The following HRG variants were observed in gnomAD, a reference collection of about 807,000 sequenced individuals.
HRG encodes histidine rich glycoprotein.
Under a neutral mutation model 29.5 loss-of-function variants are expected in HRG, and 26 were observed. The observed-to-expected ratio is 0.88, with a 90% CI of 0.65 to 1.22. The LOEUF (loss-of-function observed/expected upper bound fraction) is 1.22. Ranked by LOEUF, HRG falls within the 50% of genes most tolerant of loss-of-function variation. The pLI, the probability that HRG is intolerant of heterozygous loss-of-function variation, is 0.00. For synonymous variants in HRG, 243 were observed against 240.4 expected, an observed-to-expected ratio of 1.01 and a Z score of -0.10; for missense variants, 671 against 654.5, an observed-to-expected ratio of 1.03 and a Z score of -0.28.
chr3:186,666,410 C>T (rs1016392305), intron 1 of HRG, among the ~76,000 whole-genome samples, 196 bp downstream of exon 1: 1 of 152,116 alleles, frequency 6.6e-6, no homozygotes. Flanking sequence ...AACTATGATT[C>T]GATTTGTGGG....
At chr3:186,673,041 T>C (rs1426711673) in intron 5 of HRG, 174 bp downstream of exon 5, 1 of 681,058 alleles carries the variant, frequency 1.5e-6, no homozygotes, top group African/African-American at 1.8e-5. Context: ...CAAAGTATCA[T>C]CTGGGAAGCA....
intron 6 of HRG, 135 bp from the exon 7 acceptor site, chr3:186,676,912 A>C (rs1719010559): frequency 5.2e-6 from 5 of 962,312 alleles, no homozygotes; most frequent in Non-Finnish European, 8.0e-6. Flanking sequence ...CAATTTGAGA[A>C]TCTTTTTTCG....
chr3:186,669,833 T>G lies in HRG; in HGVS notation c.301-105T>G. 3 of 763,700 alleles carry G rather than the reference T, an allele frequency of 3.9e-6. 1 individual carries two copies. In the South Asian group the frequency reaches 4.1e-5, roughly 11 times the overall value. 47.3% of individuals were successfully genotyped at this position (763,700 alleles called of 1,614,324 possible). The stretch of plus-strand genomic sequence containing the variant: ...TTGATGAAAGAAATGCATTTTTAAA[T>G]GAACAGTAGGAGGATGTTGCATCAC... On this transcript the variant is annotated intron_variant, in intron 2 of 6. Coordinates refer to ENST00000232003, the MANE Select transcript of HRG (RefSeq NM_000412.5).
chr3:186,672,762 A>G, intron 4 of HRG, 25 bp from the exon 5 acceptor site: 1 of 1,509,314 alleles, frequency 6.6e-7, no homozygotes, highest in Non-Finnish European at 9.2e-7. Context: ...TGTTCTTGAA[A>G]CTATTTTGAT....
chr3:186,671,806 G>A lies in HRG; in HGVS notation c.558+17G>A. On this transcript the variant is annotated intron_variant, in intron 4 of 6. Coordinates refer to ENST00000232003, the MANE Select transcript of HRG (RefSeq NM_000412.5). Reference sequence around the variant, plus strand: ...GCAAGAGTGGTGAGTCTCCACTAAGGTTCGGTTGGAGTCTGAAGGCCCAGG... The same window carrying A: ...GCAAGAGTGGTGAGTCTCCACTAAGATTCGGTTGGAGTCTGAAGGCCCAGG... The A allele has an allele frequency of 6.2e-7, 1 of 1,612,816 alleles. No homozygotes were observed. Among genetic ancestry groups the A allele is most frequent in the Non-Finnish European group, 8.5e-7 (1 of 1,179,038 alleles).
intron 5 of HRG, chr3:186,673,092 C>T: frequency 1.6e-6 from 1 of 606,916 alleles, no homozygotes; most frequent in Non-Finnish European, 2.9e-6. Flanking sequence ...ATTTACACAT[C>T]AGATAACTTA....
intron 6 of HRG, among the ~76,000 whole-genome samples, chr3:186,676,717 G>A (rs564132624): frequency 6.6e-6 from 1 of 152,196 alleles, no homozygotes; most frequent in African/African-American, 2.4e-5. Flanking sequence ...GGAGGCTGAG[G>A]CAGGAGAATT....
intron 6 of HRG, 35 bp from the exon 7 acceptor site, chr3:186,677,012 C>T (rs1719013324): frequency 1.9e-6 from 3 of 1,612,816 alleles, no homozygotes; most frequent in Non-Finnish European, 1.7e-6. Context: ...TTTTATGTTA[C>T]ATGATGATAG....
chr3:186,668,659 A>T (rs7644164), intron 1 of HRG: 427,078 of 429,882 alleles, frequency 0.99, 212,211 homozygotes, highest in East Asian at 1. Flanking sequence ...TGCGTAGGTG[A>T]TGATGCCTCC....
intron 4 of HRG, 115 bp from the exon 5 acceptor site, chr3:186,672,672 T>C: frequency 6.8e-6 from 5 of 739,916 alleles, no homozygotes; most frequent in South Asian, 1.5e-5. Flanking sequence ...TGACACATAC[T>C]GGTGATTTTG....
In HRG at chr3:186,678,048, G is replaced by A. The variant is rs934087867; in HGVS notation, c.*165G>A. 5.4e-5 allele frequency: 36 copies of A among 671,882 alleles called. No individual in the cohort carries two copies. Among genetic ancestry groups the A allele is most frequent in the Non-Finnish European group, 8.8e-5 (35 of 395,884 alleles). The allele number at this position is 671,882 out of a possible 1,614,324, so 41.6% of individuals were successfully genotyped here. On this transcript the variant is annotated 3_prime_UTR_variant, in exon 7 of 7. Coordinates refer to ENST00000232003, the MANE Select transcript of HRG (RefSeq NM_000412.5). ...GATGGCCTGAGAAGAGAGATCAAAT[G>A]GAAAGGAGAGGAAAGAACTCAGTGC...
At chr3:186,673,077 A>G (rs1480423152) in intron 5 of HRG, 10 of 633,304 alleles carry the variant, frequency 1.6e-5, no homozygotes, top group Non-Finnish European at 2.5e-5. Context: ...GCACTCTTCT[A>G]AGTGATTTAC....
rs1282917357 is a variant in HRG, at chr3:186,677,957, G to T, written c.*74G>T. ...CATAAATAAAATGACCAGTAATTGT[G>T]AAAATTACAGTTCTTTTCAACCTAC... On this transcript the variant is annotated 3_prime_UTR_variant, in exon 7 of 7. Transcript: ENST00000232003. 2.1e-6 allele frequency: 3 copies of T among 1,406,688 alleles called. No individual in the cohort carries two copies. The African/African-American group carries it at 4.3e-5, about 20-fold the overall frequency. 87.1% of individuals were successfully genotyped at this position (1,406,688 alleles called of 1,614,324 possible).
chr3:186,668,797 C>T (rs55759544), intron 1 of HRG, 138 bp from the exon 2 acceptor site: 6,681 of 651,130 alleles, frequency 0.01, 71 homozygotes, highest in Non-Finnish European at 0.014. Context: ...GATCAAATGA[C>T]GCAAAGGTAG....
intron 5 of HRG, 55 bp from the exon 6 acceptor site, chr3:186,675,033 TG>T: frequency 8.8e-7 from 1 of 1,136,848 alleles, no homozygotes; most frequent in Non-Finnish European, 1.3e-6. Context: ...TAACTCTGGC[TG>T]GTCATCTTCA....
chr3:186,674,362 C>G (rs953449201), intron 5 of HRG: 2 of 157,230 alleles, frequency 1.3e-5, no homozygotes, highest in African/African-American at 4.8e-5. Context: ...TAGTATTATC[C>G]CCATTTTACA....
chr3:186,669,596 A>G (rs147458440), intron 2 of HRG: 54 of 385,066 alleles, frequency 1.4e-4, no homozygotes, highest in African/African-American at 1.1e-3. Flanking sequence ...GGTGGAGAAC[A>G]TGAAGATGAA....
In HRG at chr3:186,677,549, G is replaced by C. The variant is rs1184740351; in HGVS notation, c.1244G>C (p.Gly415Ala). 6.2e-7 allele frequency: 1 copy of C among 1,613,276 alleles called. No individual in the cohort carries two copies. Reference sequence around the variant, plus strand: ...CACTGCCATGATTTCCAAGACTATGGACCTTGTGACCCACCACCCCATAAC... The same window carrying C: ...CACTGCCATGATTTCCAAGACTATGCACCTTGTGACCCACCACCCCATAAC... ...HPHCHDFQDYGPCDPPPHNQG... is the reference protein window; with the variant it reads ...HPHCHDFQDYAPCDPPPHNQG... The change falls in exon 7 of 7, where the codon GGA becomes GCA. Residue 415 changes from glycine (G) to alanine (A), a missense_variant. Gly to Ala is a moderately conservative substitution (Grantham distance 60). Coordinates refer to ENST00000232003, the MANE Select transcript of HRG (RefSeq NM_000412.5).
intron 6 of HRG, among the ~76,000 whole-genome samples, chr3:186,676,723 G>T (rs1472580077): frequency 6.6e-6 from 1 of 152,070 alleles, no homozygotes; most frequent in African/African-American, 2.4e-5. Flanking sequence ...TGAGGCAGGA[G>T]AATTGCTTGA....
Sources: allele counts gnomAD v4.1 joint callset (sites outside exome capture counted in the v4.1 genomes callset), GRCh38; gene constraint gnomAD v4.1.1; transcripts MANE v1.5; gene names NCBI Gene and HGNC (gene_info 2026-07-23, HGNC 2026-07-21).